DLG2: variants seen among roughly 807,000 people sequenced by gnomAD.
The protein encoded by DLG2 is disks large homolog 2.
Under a neutral mutation model 132.5 loss-of-function variants are expected in DLG2, and 45 were observed. The ratio of observed to expected loss-of-function variants is 0.34; its 90% CI spans 0.27 to 0.44. The LOEUF is 0.44. DLG2 is among the 20% of genes least tolerant of loss of function. DLG2 has a pLI of 1.00. For synonymous variants in DLG2, 424 were observed against 419.6 expected, an observed-to-expected ratio of 1.01 and a Z score of -0.13; for missense variants, 1,045 against 1,196.9, an observed-to-expected ratio of 0.87 and a Z score of 1.87.
At chr11:84,078,455 G>C (rs61357540) in intron 10 of DLG2, among the ~76,000 whole-genome samples, 1 of 152,268 alleles carries the variant, frequency 6.6e-6, no homozygotes, top group East Asian at 1.9e-4. Context: ...TCTCATGCCA[G>C]GCAACAGTAT....
chr11:84,802,421 A>T (rs1202383464), intron 6 of DLG2, among the ~76,000 whole-genome samples: 1 of 152,120 alleles, frequency 6.6e-6, no homozygotes, highest in Non-Finnish European at 1.5e-5. Context: ...ATCCCTAAGG[A>T]TTAGGGCAAG....
intron 2 of DLG2, among the ~76,000 whole-genome samples, chr11:85,610,416 C>T (rs755741839): frequency 5.9e-5 from 9 of 152,238 alleles, no homozygotes; most frequent in Non-Finnish European, 1.2e-4. Context: ...GTTCACTGTT[C>T]TGGACCTCAA....
At chr11:84,366,817 C>T (rs188152014) in intron 7 of DLG2, among the ~76,000 whole-genome samples, 1 of 152,052 alleles carries the variant, frequency 6.6e-6, no homozygotes, top group African/African-American at 2.4e-5. Context: ...TAAAGCAAGT[C>T]CTGAGCGCCC....
chr11:83,856,495 T>C (rs1331188202), intron 16 of DLG2, among the ~76,000 whole-genome samples: 3 of 152,182 alleles, frequency 2.0e-5, no homozygotes, highest in South Asian at 2.1e-4. Flanking sequence ...CCAACATCTG[T>C]TGTTTTTTGA....
At chr11:85,182,340 A>G (rs1376762599) in intron 4 of DLG2, among the ~76,000 whole-genome samples, 1 of 151,934 alleles carries the variant, frequency 6.6e-6, no homozygotes. Flanking sequence ...ACTTCTCTTC[A>G]CAATCTAAAC....
chr11:83,857,713 T>A (rs1276109669), intron 16 of DLG2, among the ~76,000 whole-genome samples: 1 of 152,152 alleles, frequency 6.6e-6, no homozygotes, highest in East Asian at 1.9e-4. Flanking sequence ...TGTAGCATAA[T>A]CAATTCTAAC....
At chr11:84,940,920 C>T (rs1484990799) in intron 6 of DLG2, among the ~76,000 whole-genome samples, 1 of 152,142 alleles carries the variant, frequency 6.6e-6, no homozygotes, top group Non-Finnish European at 1.5e-5. Flanking sequence ...TAAGAGATAG[C>T]ATCTAGTTTC....
Position 85,285,344 on chromosome 11 carries a change from A to G in DLG2, c.62T>C (p.Val21Ala). 5 of 1,611,038 alleles carry G rather than the reference A, an allele frequency of 3.1e-6. No homozygotes were observed. Among genetic ancestry groups the G allele is most frequent in the Non-Finnish European group, 4.2e-6 (5 of 1,178,338 alleles). ...ACTTTTTTGAGAATTTAGCAATGTC[A>G]CCTCATAAAATTCTTGGATATCTGT... is the stretch of plus-strand genomic sequence containing the variant. ...ALLDIQEFYE[V>A]TLLNSQKSCE... The change falls in exon 4 of 28, where the codon GTG (valine) becomes GCG (alanine). Residue 21 changes from valine to alanine, a missense_variant. Transcript: ENST00000376104.
Position 83,583,774 on chromosome 11 carries a change from A to T in DLG2, c.1941-41916T>A, listed in dbSNP as rs74494090. Among the ~76,000 whole-genome samples the T allele has an allele frequency of 2.0e-3, 309 of 152,298 alleles. 1 individual carries two copies. The highest frequency in any genetic ancestry group is 7.3e-3 in the African/African-American group (303 of 41,562). On this transcript the variant is annotated intron_variant, in intron 19 of 27. Transcript: ENST00000376104. ...CTATTATTTAATTGTTGTTCAATTGATATGTTTCATTAATAAAGTAATGAA... is the reference window on the plus strand; with the variant it reads ...CTATTATTTAATTGTTGTTCAATTGTTATGTTTCATTAATAAAGTAATGAA...
intron 6 of DLG2, among the ~76,000 whole-genome samples, chr11:84,781,725 A>G (rs1490773098): frequency 6.6e-6 from 1 of 152,164 alleles, no homozygotes; most frequent in Non-Finnish European, 1.5e-5. Flanking sequence ...AAGAATATTC[A>G]TGTTTAGAGT....
At chr11:84,256,423 C>A (rs1308885024) in intron 7 of DLG2, among the ~76,000 whole-genome samples, 1 of 151,836 alleles carries the variant, frequency 6.6e-6, no homozygotes, top group Non-Finnish European at 1.5e-5. Context: ...GTGGGAAGGT[C>A]AAAAGACTTA....
chr11:85,176,664 G>C (rs2079269384), intron 4 of DLG2, among the ~76,000 whole-genome samples: 1 of 152,144 alleles, frequency 6.6e-6, no homozygotes, highest in African/African-American at 2.4e-5. Context: ...ACTATCATCA[G>C]AGTGAACAGA....
At chr11:85,081,571 A>G (rs932223375) in intron 6 of DLG2, among the ~76,000 whole-genome samples, 4 of 152,148 alleles carry the variant, frequency 2.6e-5, no homozygotes, top group African/African-American at 9.7e-5. Flanking sequence ...CTCAAAGTAG[A>G]CGCTTAATGT....
chr11:83,865,283 T>C (rs1037227117), intron 16 of DLG2, among the ~76,000 whole-genome samples: 2 of 152,052 alleles, frequency 1.3e-5, no homozygotes, highest in African/African-American at 4.8e-5. Flanking sequence ...CCCAGACACA[T>C]GACCTTGGGG....
Position 85,566,840 on chromosome 11 carries a change from T to C in DLG2, c.40+31817A>G, listed in dbSNP as rs187312339. 1.6e-4 allele frequency among the ~76,000 whole-genome samples: 24 copies of C among 152,274 alleles called. 1 individual carries two copies. The highest frequency in any genetic ancestry group is 5.1e-4 in the African/African-American group (21 of 41,546). Reference sequence around the variant, plus strand: ...AGGTCTCTAATCCCCTTTGAGTCAATTTTGTTATATAATGTGGAGTAGGGA... The same window carrying C: ...AGGTCTCTAATCCCCTTTGAGTCAACTTTGTTATATAATGTGGAGTAGGGA... On this transcript the variant is annotated intron_variant, in intron 3 of 27. Transcript: ENST00000376104.
intron 26 of DLG2, among the ~76,000 whole-genome samples, chr11:83,463,934 T>G (rs1288078248): frequency 6.6e-6 from 1 of 152,244 alleles, no homozygotes; most frequent in East Asian, 1.9e-4. Context: ...TTTTGTCTCC[T>G]TGACTGATCA....
At chr11:84,419,272 A>G (rs544316516) in intron 7 of DLG2, among the ~76,000 whole-genome samples, 1 of 152,312 alleles carries the variant, frequency 6.6e-6, no homozygotes, top group South Asian at 2.1e-4. Flanking sequence ...ATTAAAATCC[A>G]TTTAAAGTTC....
At chr11:84,367,616 G>A (rs1010401702) in intron 7 of DLG2, among the ~76,000 whole-genome samples, 7 of 152,112 alleles carry the variant, frequency 4.6e-5, no homozygotes, top group Admixed American at 4.6e-4. Flanking sequence ...GGTTAGTGAA[G>A]TAATGGGTTA....
intron 15 of DLG2, among the ~76,000 whole-genome samples, chr11:83,924,197 C>A (rs1036804359): frequency 1.3e-5 from 2 of 152,094 alleles, no homozygotes; most frequent in African/African-American, 4.8e-5. Flanking sequence ...TAGAGACTTA[C>A]ATGCACTTCT....
Sources: allele counts gnomAD v4.1 joint callset (sites outside exome capture counted in the v4.1 genomes callset), GRCh38; gene constraint gnomAD v4.1.1; transcripts MANE v1.5; gene names NCBI Gene and HGNC (gene_info 2026-07-23, HGNC 2026-07-21).